The following CACNA1C variants were observed in gnomAD, a reference collection of about 807,000 sequenced individuals.
The protein encoded by CACNA1C is calcium voltage-gated channel subunit alpha1 C, also known as voltage-dependent L-type calcium channel subunit alpha-1C.
CACNA1C carries 30 observed loss-of-function variants against 229.0 expected under a neutral mutation model. The ratio of observed to expected loss-of-function variants is 0.13; its 90% CI spans 0.10 to 0.18. The LOEUF (loss-of-function observed/expected upper bound fraction) is 0.18, where lower values mean the gene tolerates loss of function less well. Ranked by LOEUF, CACNA1C falls within the 10% of genes least tolerant of loss-of-function variation. CACNA1C has a pLI of 1.00. For synonymous variants in CACNA1C, 1,114 were observed against 1,132.5 expected, an observed-to-expected ratio of 0.98 and a Z score of 0.33; for missense variants, 1,658 against 2,845.0, an observed-to-expected ratio of 0.58 and a Z score of 9.49.
intron 3 of CACNA1C, among the ~76,000 whole-genome samples, chr12:2,186,998 T>TCCTGTCCTGCTGCCCCCTTG (rs571223895): frequency 0.02 from 3,071 of 151,704 alleles, 105 homozygotes; most frequent in African/African-American, 0.07. Context: ...CCGACCCCTT[T>TCCTGTCCTGCTGCCCCCTTG]CCTGTCCTGC....
intron 3 of CACNA1C, among the ~76,000 whole-genome samples, chr12:2,398,400 A>G (rs972386509): frequency 2.0e-5 from 3 of 152,208 alleles, no homozygotes; most frequent in Non-Finnish European, 2.9e-5. Flanking sequence ...TTTCCAAACT[A>G]TATGCCCTTC....
chr12:2,669,067 C>A, intron 38 of CACNA1C, 32 bp downstream of exon 38: 1 of 1,398,382 alleles, frequency 7.2e-7, no homozygotes, highest in Non-Finnish European at 1.0e-6. Flanking sequence ...GGGAGAGACA[C>A]TCAGAAGGTC....
intron 3 of CACNA1C, among the ~76,000 whole-genome samples, chr12:2,350,563 G>T (rs181134338): frequency 6.6e-6 from 1 of 152,192 alleles, no homozygotes. Context: ...CACAATGATG[G>T]CAAACAGAAG....
At chr12:2,283,281 C>A (rs971589616) in intron 3 of CACNA1C, among the ~76,000 whole-genome samples, 3 of 152,218 alleles carry the variant, frequency 2.0e-5, no homozygotes, top group Admixed American at 6.5e-5. Context: ...TAACTAGCTA[C>A]AACTGGCTGC....
At chr12:2,330,298 G>T (rs2096501128) in intron 3 of CACNA1C, among the ~76,000 whole-genome samples, 1 of 152,202 alleles carries the variant, frequency 6.6e-6, no homozygotes, top group African/African-American at 2.4e-5. Context: ...GGGAGGCCTG[G>T]GGTACGTGAG....
intron 7 of CACNA1C, among the ~76,000 whole-genome samples, chr12:2,494,580 G>C (rs1357009915): frequency 1.3e-5 from 2 of 152,244 alleles, no homozygotes; most frequent in African/African-American, 4.8e-5. Context: ...AAGCAGGGAA[G>C]AGTGAGAGGG....
intron 3 of CACNA1C, among the ~76,000 whole-genome samples, chr12:2,245,457 G>A (rs543773035): frequency 1.5e-4 from 23 of 152,342 alleles, no homozygotes; most frequent in Non-Finnish European, 7.3e-5. Context: ...CTTGCCGGGA[G>A]AGTGTCATCC....
At chr12:2,495,451 G>T (rs1392722217) in intron 7 of CACNA1C, among the ~76,000 whole-genome samples, 1 of 152,200 alleles carries the variant, frequency 6.6e-6, no homozygotes, top group African/African-American at 2.4e-5. Context: ...TGGGTGGAGG[G>T]TAGGAATAGA....
At chr12:2,558,294 T>C (rs1370955187) in intron 11 of CACNA1C, among the ~76,000 whole-genome samples, 8 of 152,236 alleles carry the variant, frequency 5.3e-5, no homozygotes, top group Non-Finnish European at 1.2e-4. Context: ...GCTGAACTGC[T>C]GTCTGAACTG....
At chr12:2,408,120 T>G (rs1363822550) in intron 3 of CACNA1C, among the ~76,000 whole-genome samples, 1 of 152,208 alleles carries the variant, frequency 6.6e-6, no homozygotes, top group East Asian at 1.9e-4. Flanking sequence ...AACATTATGC[T>G]AAGTAAAATA....
Position 2,591,022 on chromosome 12 carries a change from G to A in CACNA1C, c.2531-2191G>A, listed in dbSNP as rs555525224. Among the ~76,000 whole-genome samples, 75 of 152,192 alleles carry A rather than the reference G, an allele frequency of 4.9e-4. No individual in the cohort carries two copies. The Middle Eastern group carries it at 0.01, about 21-fold the overall frequency. ...GGGTGTCACAAGAACTCCAACTCTT[G>A]TCCTGTAGACAGTTTTTCATCTTGG... On this transcript the variant is annotated intron_variant, in intron 18 of 46. Coordinates refer to ENST00000399655, the MANE Select transcript of CACNA1C (RefSeq NM_000719.7).
chr12:2,585,277 C>T lies in CACNA1C; in HGVS notation c.2340-99C>T, dbSNP rs187120028. 5 of 1,200,638 alleles carry T rather than the reference C, an allele frequency of 4.2e-6. No homozygotes were observed. Among genetic ancestry groups the T allele is most frequent in the Middle Eastern group, 2.2e-4 (1 of 4,618 alleles). The allele number at this position is 1,200,638 out of a possible 1,614,324, so 74.4% of individuals were successfully genotyped here. ...TGGACTCAGACCCAGGGGATCTGTC[C>T]CCTCTGGCCCCAACAGGCCACAGGG... On this transcript the variant is annotated intron_variant, in intron 16 of 46. Coordinates refer to ENST00000399655, the MANE Select transcript of CACNA1C (RefSeq NM_000719.7). The surrounding 1 kb of genome is among the most constrained non-coding windows in gnomAD (Gnocchi z 4.1).
At chr12:2,013,780 T>C (rs1381439894) in intron 1 of CACNA1C, among the ~76,000 whole-genome samples, 1 of 152,248 alleles carries the variant, frequency 6.6e-6, no homozygotes, top group Non-Finnish European at 1.5e-5. Context: ...CAGTTTTTCT[T>C]ATCTCTAATA....
intron 3 of CACNA1C, among the ~76,000 whole-genome samples, chr12:2,443,303 C>T (rs1368229860): frequency 2.0e-5 from 3 of 152,250 alleles, no homozygotes. Context: ...AGTTCAAAAC[C>T]CAGTAGGGCA....
At chr12:2,549,116 A>T (rs2154592035) in intron 9 of CACNA1C, among the ~76,000 whole-genome samples, 1 of 152,328 alleles carries the variant, frequency 6.6e-6, no homozygotes, top group African/African-American at 2.4e-5. Flanking sequence ...TCTAAGCCAG[A>T]AAACTCCCAT....
intron 29 of CACNA1C, among the ~76,000 whole-genome samples, chr12:2,624,665 A>T (rs575028503): frequency 2.0e-5 from 3 of 152,134 alleles, no homozygotes; most frequent in Non-Finnish European, 4.4e-5. Context: ...CACCCACTGT[A>T]TACTCCATGT....
At chr12:2,377,895 G>T (rs752379610) in intron 3 of CACNA1C, among the ~76,000 whole-genome samples, 3 of 152,176 alleles carry the variant, frequency 2.0e-5, no homozygotes, top group Non-Finnish European at 4.4e-5. Context: ...TCTCTACTAC[G>T]TGGGAAAATG....
intron 1 of CACNA1C, among the ~76,000 whole-genome samples, chr12:2,073,504 T>C (rs2062093868): frequency 1.3e-5 from 2 of 152,174 alleles, no homozygotes; most frequent in African/African-American, 4.8e-5. Flanking sequence ...GGAGCTGGGC[T>C]GGCCCTCCAG....
intron 3 of CACNA1C, among the ~76,000 whole-genome samples, chr12:2,276,602 C>G (rs965815635): frequency 6.6e-6 from 1 of 152,184 alleles, no homozygotes; most frequent in Non-Finnish European, 1.5e-5. Flanking sequence ...TTTATGGCCT[C>G]TATTACCAGG....
Sources: gnomAD v4.1 joint callset for allele counts (sites outside exome capture counted in the v4.1 genomes callset) on GRCh38, gnomAD v4.1.1 for gene constraint, Gnocchi (gnomAD v3.1) non-coding constraint, MANE v1.5 for transcripts, NCBI Gene and HGNC (gene_info 2026-07-23, HGNC 2026-07-21) for gene names.